The following MYO10 variants were observed in gnomAD, a reference collection of about 807,000 sequenced individuals.
MYO10 encodes myosin X.
MYO10 carries 133 observed loss-of-function variants against 257.3 expected under a neutral mutation model. The observed-to-expected ratio is 0.52, with a 90% confidence interval of 0.45 to 0.60. MYO10 has a LOEUF of 0.60. Among genes scored for constraint, MYO10 ranks in the 20% least tolerant of loss-of-function variants. MYO10 has a pLI of 0.00. For synonymous variants in MYO10, 1,104 were observed against 1,028.6 expected (o/e 1.07, Z -1.40); for missense variants, 2,399 against 2,635.7 (o/e 0.91, Z 1.97).
At chr5:16,847,407 G>T (rs571097509) in intron 2 of MYO10, among the ~76,000 whole-genome samples, 7 of 144,146 alleles carry the variant, frequency 4.9e-5, no homozygotes, top group Non-Finnish European at 7.5e-5. Context: ...CTGGGCAACA[G>T]AGCGAGACTC....
chr5:16,671,022 T>C (rs773659223), intron 38 of MYO10, 44 bp from the exon 39 acceptor site: 2 of 1,505,578 alleles, frequency 1.3e-6, no homozygotes, highest in Non-Finnish European at 1.8e-6. Flanking sequence ...CGCACTGCCA[T>C]GCCATGGGAT....
intron 2 of MYO10, among the ~76,000 whole-genome samples, chr5:16,852,767 G>A (rs1743846255): frequency 6.6e-6 from 1 of 152,022 alleles, no homozygotes; most frequent in Non-Finnish European, 1.5e-5. Context: ...AAATGACACA[G>A]CAAAACTAAA....
chr5:16,876,123 A>C (rs1315903517), intron 2 of MYO10, among the ~76,000 whole-genome samples: 1 of 152,084 alleles, frequency 6.6e-6, no homozygotes, highest in Non-Finnish European at 1.5e-5. Flanking sequence ...AGAAAATAAA[A>C]AAATAAATAA....
At chr5:16,759,367 T>C (rs1740631969) in intron 17 of MYO10, among the ~76,000 whole-genome samples, 2 of 152,164 alleles carry the variant, frequency 1.3e-5, no homozygotes, top group Non-Finnish European at 2.9e-5. Flanking sequence ...ATTAGAGCTT[T>C]CCCTGGTCGC....
chr5:16,934,074 T>C (rs191643066), intron 1 of MYO10, among the ~76,000 whole-genome samples: 3 of 152,302 alleles, frequency 2.0e-5, no homozygotes, highest in Admixed American at 6.5e-5. Context: ...CAAAATAATA[T>C]TGATCACAGA....
chr5:16,796,593 G>A (rs1741980948), intron 3 of MYO10, among the ~76,000 whole-genome samples: 1 of 152,148 alleles, frequency 6.6e-6, no homozygotes, highest in Non-Finnish European at 1.5e-5. Context: ...TACTTTTACA[G>A]GAAATACTAA....
At chr5:16,679,509 G>A (rs1380587837) in intron 33 of MYO10, among the ~76,000 whole-genome samples, 3 of 143,904 alleles carry the variant, frequency 2.1e-5, no homozygotes, top group East Asian at 2.0e-4. Flanking sequence ...TTAACCAAGC[G>A]CTAGTTTTTT....
intron 21 of MYO10, among the ~76,000 whole-genome samples, chr5:16,709,113 C>G (rs1248992962): frequency 6.6e-6 from 1 of 152,196 alleles, no homozygotes; most frequent in East Asian, 1.9e-4. Flanking sequence ...CATATGAAGT[C>G]TACATCAGGG....
At chr5:16,880,514 G>A (rs976138889) in intron 1 of MYO10, among the ~76,000 whole-genome samples, 2 of 152,034 alleles carry the variant, frequency 1.3e-5, no homozygotes, top group Non-Finnish European at 2.9e-5. Context: ...ATTCTAAGTT[G>A]TTTACTCCAT....
chr5:16,824,692 C>A (rs892601150), intron 2 of MYO10, among the ~76,000 whole-genome samples: 1 of 152,052 alleles, frequency 6.6e-6, no homozygotes, highest in Non-Finnish European at 1.5e-5. Context: ...CATGGTGAAA[C>A]CCTGTCTCTA....
chr5:16,820,125 C>A (rs1742753526), intron 2 of MYO10, among the ~76,000 whole-genome samples: 1 of 152,220 alleles, frequency 6.6e-6, no homozygotes, highest in Admixed American at 6.5e-5. Flanking sequence ...CCAGAAGGCA[C>A]AAGGACATTC....
intron 19 of MYO10, among the ~76,000 whole-genome samples, chr5:16,740,478 G>A (rs905413612): frequency 2.6e-5 from 4 of 152,154 alleles, no homozygotes; most frequent in Admixed American, 1.3e-4. Flanking sequence ...ACATGATTCA[G>A]TAAGTTCATC....
chr5:16,812,954 C>T (rs1176154673), intron 3 of MYO10, among the ~76,000 whole-genome samples: 4 of 150,528 alleles, frequency 2.7e-5, no homozygotes, highest in African/African-American at 9.8e-5. Context: ...TCACTTTCTA[C>T]CCCATTTCAA....
intron 1 of MYO10, among the ~76,000 whole-genome samples, chr5:16,879,602 A>G (rs1447748321): frequency 6.6e-6 from 1 of 152,216 alleles, no homozygotes; most frequent in Non-Finnish European, 1.5e-5. Flanking sequence ...CCACACAGCT[A>G]GTGACCTAGG....
chr5:16,818,599 T>C (rs1388240229), intron 2 of MYO10, among the ~76,000 whole-genome samples: 1 of 24,700 alleles, frequency 4.0e-5, no homozygotes, highest in Non-Finnish European at 8.4e-5. Flanking sequence ...AGCCAGCTAA[T>C]TTTTGCATTT....
At chr5:16,782,698 G>C (rs1341074128) in intron 5 of MYO10, among the ~76,000 whole-genome samples, 1 of 152,208 alleles carries the variant, frequency 6.6e-6, no homozygotes, top group Non-Finnish European at 1.5e-5. Flanking sequence ...ATAATAGGGT[G>C]TATAAAGTCC....
intron 18 of MYO10, among the ~76,000 whole-genome samples, chr5:16,756,855 C>G (rs1302713329): frequency 6.6e-6 from 1 of 152,052 alleles, no homozygotes; most frequent in Non-Finnish European, 1.5e-5. Flanking sequence ...AATTCCAGCA[C>G]TTTGGGAGGC....
intron 9 of MYO10, among the ~76,000 whole-genome samples, chr5:16,779,264 C>G (rs1031991594): frequency 8.5e-5 from 13 of 152,068 alleles, no homozygotes; most frequent in Non-Finnish European, 1.5e-5. Flanking sequence ...GTGGAAGGTA[C>G]ACTTTCTGAA....
intron 19 of MYO10, among the ~76,000 whole-genome samples, chr5:16,722,357 G>A (rs1360010471): frequency 1.3e-5 from 2 of 152,202 alleles, no homozygotes; most frequent in Admixed American, 6.5e-5. Flanking sequence ...TGCCTGGTGT[G>A]TCACCCTACG....
Sources: gnomAD v4.1 joint callset for allele counts (sites outside exome capture counted in the v4.1 genomes callset) on GRCh38, gnomAD v4.1.1 for gene constraint, MANE v1.5 for transcripts, NCBI Gene and HGNC (gene_info 2026-07-23, HGNC 2026-07-21) for gene names.